The following PNPLA3 variants were observed in gnomAD, a reference collection of about 807,000 sequenced individuals.
The protein encoded by PNPLA3 is patatin like domain 3, 1-acylglycerol-3-phosphate O-acyltransferase, also known as 1-acylglycerol-3-phosphate O-acyltransferase PNPLA3.
PNPLA3 carries 42 observed loss-of-function variants against 43.1 expected under a neutral mutation model. That is an observed-to-expected ratio of 0.97 (90% CI 0.76 to 1.26). The LOEUF (loss-of-function observed/expected upper bound fraction) is 1.26, where lower values mean the gene tolerates loss of function less well. Among genes scored for constraint, PNPLA3 ranks in the 50% most tolerant of loss-of-function variants. The pLI is 0.00. For synonymous variants in PNPLA3, 272 were observed against 253.6 expected, an observed-to-expected ratio of 1.07 and a Z score of -0.69; for missense variants, 647 against 621.4, an observed-to-expected ratio of 1.04 and a Z score of -0.44.
At chr22:43,934,716 T>TAGC in intron 5 of PNPLA3, 50 bp downstream of exon 5, 1 of 1,537,660 alleles carries the variant, frequency 6.5e-7, no homozygotes, top group Non-Finnish European at 9.0e-7. Flanking sequence ...AAGCATTTAC[T>TAGC]AGCGGTCTTG....
intron 1 of PNPLA3, among the ~76,000 whole-genome samples, chr22:43,926,430 C>G (rs1423001410): frequency 6.6e-6 from 1 of 152,206 alleles, no homozygotes; most frequent in Non-Finnish European, 1.5e-5. Context: ...CACCAAAGCT[C>G]TAATGCTGAT....
At chr22:43,931,736 G>A (rs545913536) in intron 3 of PNPLA3, among the ~76,000 whole-genome samples, 25 of 152,268 alleles carry the variant, frequency 1.6e-4, no homozygotes, top group East Asian at 3.9e-4. Context: ...GGCTGGTCTC[G>A]AACTCCTGGC....
chr22:43,925,235 A>G (rs2049914537), intron 1 of PNPLA3, among the ~76,000 whole-genome samples: 1 of 151,996 alleles, frequency 6.6e-6, no homozygotes, highest in Non-Finnish European at 1.5e-5. Flanking sequence ...GAGATTCCGT[A>G]CATTTGAATC....
chr22:43,943,628 A>G (rs1198231550), intron 7 of PNPLA3, among the ~76,000 whole-genome samples: 3 of 152,090 alleles, frequency 2.0e-5, no homozygotes, highest in Non-Finnish European at 1.5e-5. Context: ...CACTTCTCGT[A>G]AGGCTGCGCT....
chr22:43,946,800 C>A lies in PNPLA3; in HGVS notation c.*418C>A. The A allele has an allele frequency of 2.0e-6, 1 of 511,920 alleles. No individual in the cohort carries two copies. Among genetic ancestry groups the A allele is most frequent in the South Asian group, 1.4e-5 (1 of 69,708 alleles). 31.7% of individuals were successfully genotyped at this position (511,920 alleles called of 1,614,324 possible). The stretch of plus-strand genomic sequence containing the variant: ...GAGGGAAGAGAATAGCATGATCCCA[C>A]TTCCCCATGCTGTGGGAAGGGGTGC... On this transcript the variant is annotated 3_prime_UTR_variant, in exon 9 of 9. Transcript: ENST00000216180.
rs958971918 is a variant in PNPLA3 at position 43,927,095 on chromosome 22, C to T, written c.348C>T (p.Ile116=). ...VHQLISGKIG[I]SLTRVSDGEN... Reference sequence around the variant, plus strand: ...AGCTCATCTCCGGCAAAATAGGCATCTCTCTTACCAGAGTGTCTGATGGGG... The same window carrying T: ...AGCTCATCTCCGGCAAAATAGGCATTTCTCTTACCAGAGTGTCTGATGGGG... Residue 116 remains isoleucine, a synonymous_variant, in exon 2 of 9, where the codon ATC becomes ATT. Transcript: ENST00000216180. 9.3e-6 allele frequency: 15 copies of T among 1,614,138 alleles called. No individual in the cohort carries two copies. Among genetic ancestry groups the T allele is most frequent in the African/African-American group, 1.3e-5 (1 of 74,948 alleles).
intron 3 of PNPLA3, among the ~76,000 whole-genome samples, chr22:43,931,299 G>A (rs16991158): frequency 0.18 from 28,079 of 152,052 alleles, 3,170 homozygotes; most frequent in East Asian, 0.39. Context: ...AAGCATTACT[G>A]TGTACATACC....
intron 3 of PNPLA3, among the ~76,000 whole-genome samples, chr22:43,931,755 A>C (rs990638505): frequency 1.3e-5 from 2 of 152,164 alleles, no homozygotes; most frequent in Admixed American, 6.5e-5. Flanking sequence ...GCCTCAAGTG[A>C]TCCATGTGCC....
At chr22:43,944,042 T>C (rs1364266081) in intron 7 of PNPLA3, among the ~76,000 whole-genome samples, 2 of 152,166 alleles carry the variant, frequency 1.3e-5, no homozygotes, top group Non-Finnish European at 2.9e-5. Context: ...TGCCTTGGCC[T>C]CCCAAAGTGC....
chr22:43,929,454 T>G, intron 3 of PNPLA3, among the ~76,000 whole-genome samples: 1 of 140,548 alleles, frequency 7.1e-6, no homozygotes, highest in African/African-American at 2.7e-5. Context: ...CCATCCTGGG[T>G]GACAGAGCGA....
intron 1 of PNPLA3, among the ~76,000 whole-genome samples, chr22:43,925,155 C>T (rs983127311): frequency 1.3e-5 from 2 of 152,166 alleles, no homozygotes; most frequent in African/African-American, 2.4e-5. Flanking sequence ...ACCCCCCAAT[C>T]CCATCCTCTT....
At chr22:43,928,746 T>C in intron 2 of PNPLA3, 78 bp from the exon 3 acceptor site, 6 of 1,415,850 alleles carry the variant, frequency 4.2e-6, no homozygotes, top group Non-Finnish European at 5.0e-6. Flanking sequence ...CCCTGCTCAC[T>C]TGGAGAAAGC....
At chr22:43,943,614 T>G (rs2050044767) in intron 7 of PNPLA3, among the ~76,000 whole-genome samples, 1 of 152,190 alleles carries the variant, frequency 6.6e-6, no homozygotes, top group Admixed American at 6.5e-5. Context: ...TCTTGCAGAT[T>G]TATCACTTCT....
chr22:43,937,744 C>T (rs1205351035), intron 6 of PNPLA3, among the ~76,000 whole-genome samples: 3 of 152,186 alleles, frequency 2.0e-5, no homozygotes, highest in African/African-American at 7.2e-5. Context: ...AGGCTCCTTT[C>T]TTGAGACCTC....
At position 43,927,653 on chromosome 22, in the gene PNPLA3, T is replaced by C. The variant is rs1305565537; in HGVS notation, c.420+486T>C. 6.8e-5 allele frequency among the ~76,000 whole-genome samples: 10 copies of C among 147,922 alleles called. No homozygotes were observed. The South Asian group carries it at 1.8e-3, about 27-fold the overall frequency. The stretch of plus-strand genomic sequence containing the variant: ...GTTTCTTTTCTTCACTTTTTATCTC[T>C]TTTTTTTGGGTGGGGGGGCGGGGTA... On this transcript the variant is annotated intron_variant, in intron 2 of 8. Transcript: ENST00000216180.
intron 1 of PNPLA3, chr22:43,924,399 G>C (rs957078320): frequency 7.8e-6 from 3 of 385,680 alleles, no homozygotes; most frequent in African/African-American, 6.3e-5. Flanking sequence ...CCTCCGGACT[G>C]AGAGTCGGAG....
Position 43,944,704 on chromosome 22 carries a change from C to T in PNPLA3, c.1126C>T (p.Leu376Phe). Residue 376 changes from leucine to phenylalanine, a missense_variant, in exon 8 of 9, where the codon CTT becomes TTT. Coordinates refer to ENST00000216180, the MANE Select transcript of PNPLA3 (RefSeq NM_025225.3). ...IAIVQRLVTW[L>F]PDMPDDVLWL... ...TCATCTCTGCAGACTGGTGACATGG[C>T]TTCCAGATATGCCCGACGATGTCCT... is the stretch of plus-strand genomic sequence containing the variant. The T allele has an allele frequency of 6.2e-7, 1 of 1,614,194 alleles. No individual in the cohort carries two copies. The highest frequency in any genetic ancestry group is 2.2e-5 in the East Asian group (1 of 44,886).
intron 1 of PNPLA3, among the ~76,000 whole-genome samples, chr22:43,925,292 G>A (rs2049914935): frequency 6.6e-6 from 1 of 152,124 alleles, no homozygotes; most frequent in Non-Finnish European, 1.5e-5. Context: ...TGTGTGTGTG[G>A]TGGGGGTGCA....
At chr22:43,939,925 C>T in intron 6 of PNPLA3, 68 bp from the exon 7 acceptor site, 1 of 1,611,574 alleles carries the variant, frequency 6.2e-7, no homozygotes, top group Non-Finnish European at 8.5e-7. Flanking sequence ...ATGCTAAGCA[C>T]CAACAGAGTA....
Sources: allele counts gnomAD v4.1 joint callset (sites outside exome capture counted in the v4.1 genomes callset), GRCh38; gene constraint gnomAD v4.1.1; transcripts MANE v1.5; gene names NCBI Gene and HGNC (gene_info 2026-07-23, HGNC 2026-07-21).